CTPS1: variants seen among roughly 807,000 people sequenced by gnomAD.
The protein encoded by CTPS1 is CTP synthetase 1.
In CTPS1, 25 loss-of-function variants were observed where a neutral mutation model predicts 80.5. The observed-to-expected ratio is 0.31, with a 90% confidence interval of 0.23 to 0.43. The LOEUF (loss-of-function observed/expected upper bound fraction) is 0.43. Ranked by LOEUF, CTPS1 falls within the 20% of genes least tolerant of loss-of-function variation. The probability of loss-of-function intolerance (pLI) is 1.00; values close to 1 mark genes in which losing one functional copy is unlikely to be tolerated. For synonymous variants in CTPS1, 267 were observed against 252.5 expected (o/e 1.06, Z -0.54); for missense variants, 442 against 725.7 (o/e 0.61, Z 4.49).
chr1:41,003,802 A>G (rs1430880406), intron 12 of CTPS1, among the ~76,000 whole-genome samples: 2 of 152,202 alleles, frequency 1.3e-5, no homozygotes, highest in Non-Finnish European at 2.9e-5. Flanking sequence ...GTGACTTCTC[A>G]TCTCAGTATT....
At chr1:41,008,928 G>C (rs1643100914) in intron 16 of CTPS1, 38 bp downstream of exon 16, 17 of 1,507,246 alleles carry the variant, frequency 1.1e-5, no homozygotes, top group Non-Finnish European at 1.5e-5. Context: ...GGAAAACTTA[G>C]TAAAGTTTTC....
chr1:41,007,365 C>T lies in CTPS1; in HGVS notation c.1297-84C>T. On this transcript the variant is annotated intron_variant, in intron 13 of 18. Coordinates refer to ENST00000650070, the MANE Select transcript of CTPS1 (RefSeq NM_001905.4). This position sits in a 1 kb window ranked among gnomAD's most constrained non-coding sequence, Gnocchi z 4.4. ...GGAGAATTAGAGCTTACTTACAAGCCTTTGCCACCCACTCAGCGAGGGAGG... is the reference window on the plus strand; with the variant it reads ...GGAGAATTAGAGCTTACTTACAAGCTTTTGCCACCCACTCAGCGAGGGAGG... The T allele has an allele frequency of 8.6e-7, 1 of 1,160,660 alleles. No individual in the cohort carries two copies. The highest frequency in any genetic ancestry group is 1.3e-6 in the Non-Finnish European group (1 of 781,212). 71.9% of individuals were successfully genotyped at this position (1,160,660 alleles called of 1,614,324 possible).
At chr1:40,987,605 A>G (rs997160550) in intron 4 of CTPS1, 133 bp downstream of exon 4, 6 of 574,724 alleles carry the variant, frequency 1.0e-5, no homozygotes, top group Non-Finnish European at 1.8e-5. Context: ...TGTGGCAGGT[A>G]AGGGCACAGT....
Position 41,008,889 on chromosome 1 carries a change from A to C in CTPS1, c.1545A>C (p.Glu515Asp). Residue 515 changes from glutamate to aspartate, a missense_variant and splice_region_variant, in exon 16 of 19, where the codon GAA becomes GAC. Physicochemically the swap from Glu to Asp is conservative, Grantham distance 45 (BLOSUM62 2). This residue lies in a region of CTPS1 where 321 missense variants were observed against 467.2 expected (regional missense o/e 0.69). Transcript: ENST00000650070. ...EGERMEIVEL[E>D]DHPFFVGVQY... The stretch of plus-strand genomic sequence containing the variant: ...AGAGAATGGAAATTGTGGAGTTAGA[A>C]GGTGATTATTCGGGCAGTTTTATTT... 6.2e-7 allele frequency: 1 copy of C among 1,612,010 alleles called. No individual in the cohort carries two copies. The highest frequency in any genetic ancestry group is 8.5e-7 in the Non-Finnish European group (1 of 1,178,046).
chr1:40,999,034 A>G (rs968989355), intron 9 of CTPS1, among the ~76,000 whole-genome samples: 1 of 152,144 alleles, frequency 6.6e-6, no homozygotes, highest in East Asian at 1.9e-4. Flanking sequence ...TGAAAAGGCA[A>G]CGGTCTCCGC....
chr1:41,000,793 T>C (rs1426859506), intron 9 of CTPS1: 1 of 242,900 alleles, frequency 4.1e-6, no homozygotes, highest in Non-Finnish European at 7.9e-6. Flanking sequence ...AAGAGAGAGA[T>C]TTGGGAATTT....
intron 4 of CTPS1, 26 bp from the exon 5 acceptor site, chr1:40,988,568 C>T (rs1642518104): frequency 1.3e-6 from 2 of 1,540,446 alleles, no homozygotes; most frequent in Admixed American, 1.7e-5. Context: ...TAGTGCCTAA[C>T]CTCTGAAACA....
chr1:40,987,063 G>T (rs759319448), intron 3 of CTPS1, among the ~76,000 whole-genome samples: 2 of 152,138 alleles, frequency 1.3e-5, no homozygotes, highest in Non-Finnish European at 2.9e-5. Context: ...AATAGGGTTG[G>T]CTATACTGGT....
chr1:40,982,898 T>A (rs1359111257), intron 1 of CTPS1, among the ~76,000 whole-genome samples: 1 of 152,236 alleles, frequency 6.6e-6, no homozygotes, highest in Admixed American at 6.5e-5. Flanking sequence ...GGGAAAATAA[T>A]GAGGCACCTG....
intron 12 of CTPS1, chr1:41,004,186 C>T (rs1025854426): frequency 2.0e-5 from 3 of 152,194 alleles, no homozygotes; most frequent in Admixed American, 1.3e-4. Context: ...GTAGCCCACC[C>T]GACAAATACT....
Position 40,987,059 on chromosome 1 carries a change from G to T in CTPS1, c.338-313G>T, listed in dbSNP as rs530383564. On this transcript the variant is annotated intron_variant, in intron 3 of 18. Coordinates refer to ENST00000650070, the MANE Select transcript of CTPS1 (RefSeq NM_001905.4). The stretch of plus-strand genomic sequence containing the variant: ...CCTACCTTCAGCTGTGAGCAATAGG[G>T]TTGGCTATACTGGTGTGTGGCCAAA... Among the ~76,000 whole-genome samples, 19 of 152,298 alleles carry T rather than the reference G, an allele frequency of 1.2e-4. No individual in the cohort carries two copies. The East Asian group carries it at 3.7e-3, about 29-fold the overall frequency.
chr1:41,008,842 G>T lies in CTPS1; in HGVS notation c.1498G>T (p.Val500Phe). 2 of 1,614,188 alleles carry T rather than the reference G, an allele frequency of 1.2e-6. No homozygotes were observed. Among genetic ancestry groups the T allele is most frequent in the Non-Finnish European group, 1.7e-6 (2 of 1,180,018 alleles). Residue 500 changes from valine (V) to phenylalanine (F), a missense_variant, in exon 16 of 19, where the codon GTT (valine) becomes TTT (phenylalanine). This residue lies in a region of CTPS1 where 321 missense variants were observed against 467.2 expected (regional missense o/e 0.69). Transcript: ENST00000650070. ...TTTGGAAGAACAAGGCTTGAAGTTT[G>T]TTGGCCAAGATGTTGAAGGAGAGAG... is the stretch of plus-strand genomic sequence containing the variant. The part of the protein sequence containing the change: ...KCLEEQGLKF[V>F]GQDVEGERME...
At chr1:40,997,585 G>GT in intron 9 of CTPS1, 59 bp downstream of exon 9, 4 of 1,571,288 alleles carry the variant, frequency 2.5e-6, no homozygotes, top group Non-Finnish European at 3.5e-6. Flanking sequence ...CTGTAGTCTC[G>GT]TAGGTGCTGT....
intron 7 of CTPS1, among the ~76,000 whole-genome samples, chr1:40,993,405 A>AGTG (rs779246498): frequency 6.6e-6 from 1 of 151,998 alleles, no homozygotes; most frequent in Non-Finnish European, 1.5e-5. Flanking sequence ...ACTAGAGTGC[A>AGTG]GTGGTGCTGT....
chr1:40,992,355 G>T (rs912439626), intron 7 of CTPS1, among the ~76,000 whole-genome samples: 2 of 152,184 alleles, frequency 1.3e-5, no homozygotes, highest in African/African-American at 4.8e-5. Flanking sequence ...GTGTGTGTGT[G>T]TGTGTACATG....
chr1:40,984,065 G>C (rs946306592), intron 2 of CTPS1, among the ~76,000 whole-genome samples: 2 of 152,160 alleles, frequency 1.3e-5, no homozygotes, highest in African/African-American at 2.4e-5. Flanking sequence ...CTAGCGTTGA[G>C]GTGAAAATAT....
intron 7 of CTPS1, among the ~76,000 whole-genome samples, chr1:40,994,110 A>C (rs1642692220): frequency 6.6e-6 from 1 of 152,174 alleles, no homozygotes; most frequent in African/African-American, 2.4e-5. Flanking sequence ...TTTAGAGCAC[A>C]GACACTTTTA....
intron 7 of CTPS1, among the ~76,000 whole-genome samples, chr1:40,995,335 C>T (rs1189661821): frequency 1.3e-5 from 2 of 152,038 alleles, no homozygotes; most frequent in African/African-American, 4.8e-5. Flanking sequence ...CCTCCCACCT[C>T]AGCCTCCCGA....
chr1:40,991,525 C>T (rs947683385), intron 6 of CTPS1, among the ~76,000 whole-genome samples: 1 of 152,124 alleles, frequency 6.6e-6, no homozygotes, highest in Non-Finnish European at 1.5e-5. Flanking sequence ...TCCCAGAGCT[C>T]TTGTAGTTCA....
Sources: gnomAD v4.1 joint callset for allele counts (sites outside exome capture counted in the v4.1 genomes callset) on GRCh38, gnomAD v4.1.1 for gene constraint, gnomAD v4.1.1 regional missense constraint, Gnocchi (gnomAD v3.1) non-coding constraint, MANE v1.5 for transcripts, NCBI Gene and HGNC (gene_info 2026-07-23, HGNC 2026-07-21) for gene names.